Variants in MOB3B observed in about 807,000 individuals in gnomAD.
MOB3B encodes MOB kinase activator 3B, also known as MOB kinase activator-like 2B.
A neutral mutation model predicts 18.7 loss-of-function variants in MOB3B; 7 were observed. The observed-to-expected ratio is 0.37, with a 90% confidence interval of 0.21 to 0.70. MOB3B has a LOEUF of 0.70. Among genes scored for constraint, MOB3B ranks in the 30% least tolerant of loss-of-function variants. The probability of loss-of-function intolerance (pLI) is 0.52; values close to 1 mark genes in which losing one functional copy is unlikely to be tolerated. For missense variants in MOB3B, 253 were observed against 281.3 expected (o/e 0.90, Z 0.72); for synonymous variants, 111 against 99.9 (o/e 1.11, Z -0.66).
At chr9:27,487,154 A>AATAAATAG (rs1321142129) in intron 1 of MOB3B, among the ~76,000 whole-genome samples, 1 of 15,818 alleles carries the variant, frequency 6.3e-5, no homozygotes, top group Non-Finnish European at 2.5e-4. Flanking sequence ...TAAATAAATA[A>AATAAATAG]AATAAATAAA....
chr9:27,509,253 T>C (rs1451837000), intron 1 of MOB3B, among the ~76,000 whole-genome samples: 1 of 151,550 alleles, frequency 6.6e-6, no homozygotes, highest in Non-Finnish European at 1.5e-5. Context: ...AGCCTTAGTA[T>C]CAACACATAT....
At chr9:27,338,614 C>G (rs1188585657) in intron 3 of MOB3B, among the ~76,000 whole-genome samples, 1 of 152,194 alleles carries the variant, frequency 6.6e-6, no homozygotes, top group Non-Finnish European at 1.5e-5. Context: ...CCAAACAACT[C>G]TACAGCCAAG....
At chr9:27,418,179 C>T (rs961676641) in intron 2 of MOB3B, among the ~76,000 whole-genome samples, 1 of 149,568 alleles carries the variant, frequency 6.7e-6, no homozygotes, top group Non-Finnish European at 1.5e-5. Context: ...AAACAAGCAG[C>T]GAGATTGAAA....
intron 3 of MOB3B, among the ~76,000 whole-genome samples, chr9:27,355,707 C>T (rs1378282598): frequency 3.3e-5 from 5 of 151,600 alleles, no homozygotes; most frequent in African/African-American, 1.2e-4. Flanking sequence ...CTACAGGCAC[C>T]CGCCACCGTG....
chr9:27,366,599 G>C (rs1821345715), intron 2 of MOB3B, among the ~76,000 whole-genome samples: 1 of 152,186 alleles, frequency 6.6e-6, no homozygotes, highest in South Asian at 2.1e-4. Context: ...CCAGGAGACT[G>C]GGGGGTGGGG....
rs917313570 is a variant in MOB3B, at chr9:27,327,086, C to G, written c.*3501G>C. 1.3e-5 allele frequency: 2 copies of G among 152,344 alleles called. No individual in the cohort carries two copies. Among genetic ancestry groups the G allele is most frequent in the Non-Finnish European group, 2.9e-5 (2 of 68,130 alleles). 9.4% of individuals were successfully genotyped at this position (152,344 alleles called of 1,614,324 possible). ...ACTTGCCCATGCTCTCACGTATTGCCTGCACATGGAAACTTCCTTCTTCCC... is the reference window on the plus strand; with the variant it reads ...ACTTGCCCATGCTCTCACGTATTGCGTGCACATGGAAACTTCCTTCTTCCC... On this transcript the variant is annotated 3_prime_UTR_variant, in exon 4 of 4. Coordinates refer to ENST00000262244, the MANE Select transcript of MOB3B (RefSeq NM_024761.5).
chr9:27,387,403 C>T (rs1169916490), intron 2 of MOB3B, among the ~76,000 whole-genome samples: 1 of 152,188 alleles, frequency 6.6e-6, no homozygotes, highest in Non-Finnish European at 1.5e-5. Context: ...CCCAGCTTTG[C>T]TGTTTCCCTG....
intron 2 of MOB3B, among the ~76,000 whole-genome samples, chr9:27,392,631 G>A (rs1821742444): frequency 6.6e-6 from 1 of 152,124 alleles, no homozygotes; most frequent in Non-Finnish European, 1.5e-5. Flanking sequence ...TAGGAATAAA[G>A]ACGAGCCATT....
rs1436645621 is a variant in MOB3B, at chr9:27,381,006, T to C, written c.419-21770A>G. Among the ~76,000 whole-genome samples, 16 of 152,288 alleles carry C rather than the reference T, an allele frequency of 1.1e-4. No homozygotes were observed. In the East Asian group the frequency reaches 3.1e-3, roughly 30 times the overall value. On this transcript the variant is annotated intron_variant, in intron 2 of 3. Coordinates refer to ENST00000262244, the MANE Select transcript of MOB3B (RefSeq NM_024761.5). ...AGTTCACTACCTCTCACTGGGCTCA[T>C]GATCTGGGTGAGCTTTGGAGGAACT...
chr9:27,350,530 A>G (rs1385158848), intron 3 of MOB3B, among the ~76,000 whole-genome samples: 2 of 152,204 alleles, frequency 1.3e-5, no homozygotes, highest in Non-Finnish European at 2.9e-5. Flanking sequence ...CCAACACCCT[A>G]TAAACTAGAA....
intron 1 of MOB3B, among the ~76,000 whole-genome samples, chr9:27,521,781 A>C (rs1172561016): frequency 6.6e-6 from 1 of 152,232 alleles, no homozygotes; most frequent in Admixed American, 6.5e-5. Flanking sequence ...TGTGTTATTC[A>C]TATCAACTGA....
chr9:27,495,483 C>T (rs558663779), intron 1 of MOB3B, among the ~76,000 whole-genome samples: 1 of 152,290 alleles, frequency 6.6e-6, no homozygotes, highest in South Asian at 2.1e-4. Context: ...TCGTGCCACA[C>T]TGTATTAGTT....
chr9:27,381,842 C>T (rs956472009), intron 2 of MOB3B, among the ~76,000 whole-genome samples: 2 of 152,232 alleles, frequency 1.3e-5, no homozygotes, highest in Non-Finnish European at 2.9e-5. Context: ...GATGACGTCT[C>T]GCTATGTTGC....
Position 27,415,663 on chromosome 9 carries a change from A to G in MOB3B, c.418+39470T>C, listed in dbSNP as rs181257652. On this transcript the variant is annotated intron_variant, in intron 2 of 3. Transcript: ENST00000262244. The stretch of plus-strand genomic sequence containing the variant: ...TGTCTCAACAGGCTAGCAGAGCCCC[A>G]TCAGCTAACTGTGTGAGAAAAATCC... Among the ~76,000 whole-genome samples, 987 of 152,320 alleles carry G rather than the reference A, an allele frequency of 6.5e-3. 7 individuals are homozygous for G. Among genetic ancestry groups the G allele is most frequent in the Non-Finnish European group, 9.7e-3 (658 of 68,026 alleles).
chr9:27,356,186 A>G (rs998695395), intron 3 of MOB3B, among the ~76,000 whole-genome samples: 3 of 152,276 alleles, frequency 2.0e-5, no homozygotes, highest in Admixed American at 1.3e-4. Context: ...TTTAAAAAGT[A>G]TGAATATTTA....
At chr9:27,379,882 T>C (rs184059290) in intron 2 of MOB3B, among the ~76,000 whole-genome samples, 21 of 152,322 alleles carry the variant, frequency 1.4e-4, no homozygotes, top group African/African-American at 4.8e-4. Flanking sequence ...TAGTACAAAG[T>C]GTACCTAGGT....
chr9:27,349,688 G>T (rs896412028), intron 3 of MOB3B, among the ~76,000 whole-genome samples: 2 of 152,208 alleles, frequency 1.3e-5, no homozygotes, highest in African/African-American at 4.8e-5. Context: ...CTGACCAACA[G>T]CTCCCCTAAG....
intron 3 of MOB3B, among the ~76,000 whole-genome samples, chr9:27,335,029 T>A (rs1217688796): frequency 6.6e-6 from 1 of 152,150 alleles, no homozygotes; most frequent in Non-Finnish European, 1.5e-5. Flanking sequence ...ATGGTCTCGA[T>A]CTCCTGACCT....
chr9:27,402,531 G>A (rs949314340), intron 2 of MOB3B, among the ~76,000 whole-genome samples: 2 of 152,170 alleles, frequency 1.3e-5, no homozygotes, highest in African/African-American at 2.4e-5. Flanking sequence ...ATAGGAACAC[G>A]ATAAATGTCT....
Sources: gnomAD v4.1 joint callset for allele counts (sites outside exome capture counted in the v4.1 genomes callset) on GRCh38, gnomAD v4.1.1 for gene constraint, MANE v1.5 for transcripts, NCBI Gene and HGNC (gene_info 2026-07-23, HGNC 2026-07-21) for gene names.